Variants in NECTIN1 observed in about 807,000 individuals in gnomAD.
NECTIN1 encodes nectin-1.
In NECTIN1, 23 loss-of-function variants were observed where a neutral mutation model predicts 48.0. That is an observed-to-expected ratio of 0.48 (90% CI 0.34 to 0.68). The LOEUF (loss-of-function observed/expected upper bound fraction) is 0.68. Among genes scored for constraint, NECTIN1 ranks in the 30% least tolerant of loss-of-function variants. The pLI is 0.01. For synonymous variants in NECTIN1, 270 were observed against 288.9 expected (o/e 0.93, Z 0.66); for missense variants, 591 against 709.9 (o/e 0.83, Z 1.90).
chr11:119,706,991 C>G (rs1340248944), intron 1 of NECTIN1, among the ~76,000 whole-genome samples: 1 of 152,152 alleles, frequency 6.6e-6, no homozygotes, highest in African/African-American at 2.4e-5. Flanking sequence ...TCTCCCTCCC[C>G]CTGGAGCTGG....
chr11:119,701,568 T>C (rs1865452931), intron 1 of NECTIN1, among the ~76,000 whole-genome samples: 1 of 152,020 alleles, frequency 6.6e-6, no homozygotes, highest in Non-Finnish European at 1.5e-5. Flanking sequence ...GGGGTTGGTA[T>C]TGTGGGGAGA....
Position 119,654,897 on chromosome 11 carries a change from C to T in NECTIN1, c.1004-14885G>A, listed in dbSNP as rs569053360. On this transcript the variant is annotated intron_variant, in intron 5 of 7. Transcript: ENST00000341398. Reference sequence around the variant, plus strand: ...GGACTTTTCTTTAAAAATAGACTTACATTTATTTTTTATTTTTTATTTTAT... The same window carrying T: ...GGACTTTTCTTTAAAAATAGACTTATATTTATTTTTTATTTTTTATTTTAT... Among the ~76,000 whole-genome samples the T allele has an allele frequency of 4.0e-5, 6 of 151,564 alleles. No individual in the cohort carries two copies. In the East Asian group the frequency reaches 1.2e-3, roughly 30 times the overall value.
intron 5 of NECTIN1, among the ~76,000 whole-genome samples, chr11:119,670,255 C>G (rs1864843965): frequency 6.6e-6 from 1 of 151,976 alleles, no homozygotes; most frequent in Non-Finnish European, 1.5e-5. Context: ...CCACCACGCC[C>G]AGCCTACATA....
At chr11:119,717,977 C>T (rs1017250569) in intron 1 of NECTIN1, among the ~76,000 whole-genome samples, 1 of 152,232 alleles carries the variant, frequency 6.6e-6, no homozygotes, top group Non-Finnish European at 1.5e-5. Flanking sequence ...CGCGGTAATT[C>T]AAGCTAACGG....
At chr11:119,689,792 T>C (rs978647755) in intron 1 of NECTIN1, among the ~76,000 whole-genome samples, 9 of 152,134 alleles carry the variant, frequency 5.9e-5, no homozygotes, top group Non-Finnish European at 1.2e-4. Flanking sequence ...AAATAATACT[T>C]TGTAGCCACA....
chr11:119,681,297 C>A (rs1865057510), intron 1 of NECTIN1, among the ~76,000 whole-genome samples: 1 of 152,210 alleles, frequency 6.6e-6, no homozygotes, highest in African/African-American at 2.4e-5. Context: ...CAGGAAAAGC[C>A]AGTTGGGAGG....
chr11:119,643,020 T>A (rs917471315), intron 5 of NECTIN1: 2 of 153,686 alleles, frequency 1.3e-5, no homozygotes, highest in East Asian at 1.9e-4. Context: ...GTGTGGGCAT[T>A]AGGAAAACCA....
chr11:119,713,670 G>A (rs921925929), intron 1 of NECTIN1: 18 of 357,352 alleles, frequency 5.0e-5, no homozygotes, highest in African/African-American at 2.6e-4. Flanking sequence ...GAATGGGACC[G>A]CAGTGATTGA....
rs533964549 is a variant in NECTIN1 at position 119,644,350 on chromosome 11, G to A, written c.1004-4338C>T. On this transcript the variant is annotated intron_variant, in intron 5 of 7. Transcript: ENST00000341398. ...GCCTCGTGGTTTGGGAGCCCGAGGA[G>A]CTTTGGGTCACACCCAAGTAGCCAG... 6.6e-5 allele frequency among the ~76,000 whole-genome samples: 10 copies of A among 152,330 alleles called. No homozygotes were observed. The South Asian group carries it at 1.9e-3, about 28-fold the overall frequency.
At chr11:119,696,951 T>G (rs1487436226) in intron 1 of NECTIN1, among the ~76,000 whole-genome samples, 1 of 152,028 alleles carries the variant, frequency 6.6e-6, no homozygotes, top group Non-Finnish European at 1.5e-5. Flanking sequence ...ACAGGAGACC[T>G]GGCAGGGGAG....
intron 5 of NECTIN1, among the ~76,000 whole-genome samples, chr11:119,649,769 A>G: frequency 6.6e-6 from 1 of 152,192 alleles, no homozygotes; most frequent in African/African-American, 2.4e-5. Flanking sequence ...TTTCTGGAGC[A>G]CCTATTTCTT....
At chr11:119,655,652 A>G (rs1591442637) in intron 5 of NECTIN1, among the ~76,000 whole-genome samples, 1 of 152,224 alleles carries the variant, frequency 6.6e-6, no homozygotes, top group Admixed American at 6.5e-5. Flanking sequence ...CCATCTTCCA[A>G]TATTTGAAGG....
At position 119,665,755 on chromosome 11, in the gene NECTIN1, C is replaced by T. The variant is rs1383929809; in HGVS notation, c.1004-458G>A. 1.3e-5 allele frequency among the ~76,000 whole-genome samples: 2 copies of T among 152,160 alleles called. No homozygotes were observed. The highest frequency in any genetic ancestry group is 4.8e-5 in the African/African-American group (2 of 41,424). Reference sequence around the variant, plus strand: ...GTTAAAGAACTTGCCTGAGGCCACCCAGCAATGATGCATCGTTGCTTCTCC... The same window carrying T: ...GTTAAAGAACTTGCCTGAGGCCACCTAGCAATGATGCATCGTTGCTTCTCC... On this transcript the variant is annotated intron_variant, in intron 5 of 5. Coordinates refer to ENST00000264025, the MANE Select transcript of NECTIN1 (RefSeq NM_002855.5). The surrounding 1 kb of genome is among the most constrained non-coding windows in gnomAD (Gnocchi z 5.1).
intron 1 of NECTIN1, among the ~76,000 whole-genome samples, chr11:119,693,261 C>G (rs897516486): frequency 6.6e-6 from 1 of 152,186 alleles, no homozygotes; most frequent in East Asian, 1.9e-4. Flanking sequence ...ACCTGTGAAA[C>G]CTGGAGGTGG....
In NECTIN1 at chr11:119,663,131, C is replaced by A; in HGVS notation, c.*1616G>T. 1.0e-6 allele frequency: 1 copy of A among 985,578 alleles called. No homozygotes were observed. The highest frequency in any genetic ancestry group is 1.2e-6 in the Non-Finnish European group (1 of 830,018). 61.1% of individuals were successfully genotyped at this position (985,578 alleles called of 1,614,324 possible). A position where few individuals can be genotyped will look rare whatever the true frequency, so the allele number is the denominator to read the frequency against. ...CTCCTCCCCAACACTTGCCATCCTG[C>A]AGAGCCCCTGACACCCTGGGGTGAG... On this transcript the variant is annotated 3_prime_UTR_variant, in exon 6 of 6. Transcript: ENST00000264025.
At chr11:119,701,902 C>T (rs1865461371) in intron 1 of NECTIN1, among the ~76,000 whole-genome samples, 1 of 152,174 alleles carries the variant, frequency 6.6e-6, no homozygotes, top group Non-Finnish European at 1.5e-5. Context: ...CTCCAGGAAG[C>T]CAGCCCCAGA....
Position 119,684,588 on chromosome 11 carries a change from G to A in NECTIN1, c.80-5823C>T, listed in dbSNP as rs1865123054. ...AGTGGGAGTGACTCACCCACTGGGA[G>A]GGGCAGGGCCTCCATCTGAAACCCT... On this transcript the variant is annotated intron_variant, in intron 1 of 5. Transcript: ENST00000264025. The surrounding 1 kb of genome is among the most constrained non-coding windows in gnomAD (Gnocchi z 5.2). Among the ~76,000 whole-genome samples the A allele has an allele frequency of 6.6e-6, 1 of 152,184 alleles. No homozygotes were observed.
chr11:119,716,862 G>A (rs193197986), intron 1 of NECTIN1, among the ~76,000 whole-genome samples: 2 of 152,196 alleles, frequency 1.3e-5, no homozygotes, highest in African/African-American at 2.4e-5. Context: ...GCGCGCGCAC[G>A]CACGCACGCA....
At position 119,673,170 on chromosome 11, in the gene NECTIN1, G is replaced by T. The variant is rs1430356698; in HGVS notation, c.1003+1989C>A. On this transcript the variant is annotated intron_variant, in intron 5 of 5. Transcript: ENST00000264025. The surrounding 1 kb of genome is among the most constrained non-coding windows in gnomAD (Gnocchi z 5.8). ...CAGGCACGGGCCGACGTGGAATGGA[G>T]GGTGGTGAGGTCAGCTGCTGCTTGG... Among the ~76,000 whole-genome samples, 1 of 152,222 alleles carries T rather than the reference G, an allele frequency of 6.6e-6. No individual in the cohort carries two copies. The highest frequency in any genetic ancestry group is 2.4e-5 in the African/African-American group (1 of 41,466).
Sources: allele counts gnomAD v4.1 joint callset (sites outside exome capture counted in the v4.1 genomes callset), GRCh38; gene constraint gnomAD v4.1.1; non-coding constraint Gnocchi (gnomAD v3.1); transcripts MANE v1.5; gene names NCBI Gene and HGNC (gene_info 2026-07-23, HGNC 2026-07-21).